ROR2: variants seen among roughly 807,000 people sequenced by gnomAD.
The protein encoded by ROR2 is ROR family WNT receptor 2, also known as tyrosine-protein kinase transmembrane receptor ROR2.
A neutral mutation model predicts 74.9 loss-of-function variants in ROR2; 33 were observed. That is an observed-to-expected ratio of 0.44 (90% CI 0.33 to 0.59). The LOEUF (loss-of-function observed/expected upper bound fraction) is 0.59. Ranked by LOEUF, ROR2 falls within the 20% of genes least tolerant of loss-of-function variation. The pLI is 0.02. For missense variants in ROR2, 1,216 were observed against 1,313.8 expected (o/e 0.93, Z 1.15); for synonymous variants, 586 against 558.7 (o/e 1.05, Z -0.69).
At chr9:91,728,530 A>C (rs1837122351) in intron 7 of ROR2, among the ~76,000 whole-genome samples, 1 of 152,182 alleles carries the variant, frequency 6.6e-6, no homozygotes, top group African/African-American at 2.4e-5. Flanking sequence ...CCCTGGGTTC[A>C]AGTGATTCTC....
chr9:91,898,064 C>T (rs1017661728), intron 1 of ROR2, among the ~76,000 whole-genome samples: 1 of 152,120 alleles, frequency 6.6e-6, no homozygotes, highest in African/African-American at 2.4e-5. Context: ...GGGCCACACC[C>T]CTGGGCCTCT....
At chr9:91,864,381 C>T (rs2119312113) in intron 1 of ROR2, among the ~76,000 whole-genome samples, 2 of 152,300 alleles carry the variant, frequency 1.3e-5, no homozygotes, top group South Asian at 4.1e-4. Flanking sequence ...GTCCACCTGT[C>T]CCTCAGGAGG....
At chr9:91,758,225 G>T (rs76636389) in intron 2 of ROR2, among the ~76,000 whole-genome samples, 1 of 152,130 alleles carries the variant, frequency 6.6e-6, no homozygotes, top group African/African-American at 2.4e-5. Context: ...CAAAAGCACC[G>T]TAAGTATTGA....
At chr9:91,942,520 G>C (rs531971605) in intron 1 of ROR2, among the ~76,000 whole-genome samples, 1 of 151,970 alleles carries the variant, frequency 6.6e-6, no homozygotes, top group East Asian at 1.9e-4. Flanking sequence ...TTCCCAACTC[G>C]CCTCCCATTT....
chr9:91,884,323 A>G (rs560811105), intron 1 of ROR2, among the ~76,000 whole-genome samples: 12 of 151,810 alleles, frequency 7.9e-5, no homozygotes, highest in African/African-American at 1.2e-4. Context: ...TTAGATCTCA[A>G]CCAGCAGGGA....
intron 1 of ROR2, among the ~76,000 whole-genome samples, chr9:91,914,775 G>A (rs1831086471): frequency 7.8e-6 from 1 of 129,026 alleles, no homozygotes; most frequent in African/African-American, 2.9e-5. Context: ...GTCATGACTA[G>A]GGGTCACCTG....
chr9:91,779,175 A>G (rs1173410903), intron 1 of ROR2, among the ~76,000 whole-genome samples: 1 of 152,146 alleles, frequency 6.6e-6, no homozygotes, highest in Non-Finnish European at 1.5e-5. Flanking sequence ...GGTGTTAACA[A>G]TAGGGGAAAC....
chr9:91,751,214 A>T (rs1748098775), intron 4 of ROR2, among the ~76,000 whole-genome samples: 1 of 152,216 alleles, frequency 6.6e-6, no homozygotes, highest in Non-Finnish European at 1.5e-5. Flanking sequence ...CTCGGCAGTC[A>T]ATGCATGATT....
intron 1 of ROR2, among the ~76,000 whole-genome samples, chr9:91,937,159 T>C (rs1409800742): frequency 6.6e-6 from 1 of 151,976 alleles, no homozygotes; most frequent in African/African-American, 2.4e-5. Context: ...AACTCGGGAT[T>C]ATAGAATTAA....
At chr9:91,893,922 C>G (rs1333523801) in intron 1 of ROR2, among the ~76,000 whole-genome samples, 2 of 152,204 alleles carry the variant, frequency 1.3e-5, no homozygotes, top group Admixed American at 1.3e-4. Flanking sequence ...ACCACCATCA[C>G]CATCTATCTC....
At chr9:91,926,822 T>C (rs181302250) in intron 1 of ROR2, among the ~76,000 whole-genome samples, 1 of 151,852 alleles carries the variant, frequency 6.6e-6, no homozygotes, top group Non-Finnish European at 1.5e-5. Context: ...AGAATTGGGG[T>C]TGCCAGGAAC....
At chr9:91,913,085 C>T (rs1395186511) in intron 1 of ROR2, among the ~76,000 whole-genome samples, 3 of 152,098 alleles carry the variant, frequency 2.0e-5, no homozygotes, top group Non-Finnish European at 4.4e-5. Context: ...GTCGAGATCA[C>T]GCCACTGCAC....
In ROR2 at chr9:91,733,138, G is replaced by C; in HGVS notation, c.921C>G (p.Ala307=). ...AANCMRIGIP[A]ERLGRYHQCY... ...GGCACTCACAGCGGCCCAGCCTCTCGGCTGGGATGCCAATGCGCATGCAGT... is the reference window on the plus strand; with the variant it reads ...GGCACTCACAGCGGCCCAGCCTCTCCGCTGGGATGCCAATGCGCATGCAGT... The change falls in exon 6 of 9, where the codon GCC becomes GCG. Residue 307 remains alanine (A), a synonymous_variant. Transcript: ENST00000375708. This position sits in a 1 kb window ranked among gnomAD's most constrained non-coding sequence, Gnocchi z 5.7. The C allele has an allele frequency of 6.3e-7, 1 of 1,596,544 alleles. No homozygotes were observed. The highest frequency in any genetic ancestry group is 8.5e-7 in the Non-Finnish European group (1 of 1,173,694).
rs1331743009 is a variant in ROR2 at position 91,725,072 on chromosome 9, C to A, written c.1422G>T (p.Arg474Ser). Residue 474 changes from arginine (R) to serine (S), a missense_variant, in exon 9 of 9, where the codon AGG becomes AGT. Coordinates refer to ENST00000375708, the MANE Select transcript of ROR2 (RefSeq NM_004560.4). ...GGTCCTCTCCCAGCTCCTCCATGAA[C>A]CTCACCGCAGACAGGCTGATCTCTT... is the stretch of plus-strand genomic sequence containing the variant. ...KLKEISLSAV[R>S]FMEELGEDRF... The A allele has an allele frequency of 6.2e-7, 1 of 1,614,078 alleles. No individual in the cohort carries two copies.
intron 1 of ROR2, among the ~76,000 whole-genome samples, chr9:91,909,842 GTTTTGTTTTTTTTT>G (rs1830915801): frequency 3.6e-5 from 2 of 55,978 alleles, no homozygotes; most frequent in Non-Finnish European, 6.3e-5. Flanking sequence ...TTTTAGGTTT[GTTTTGTTTTTTTTT>G]TTTTTTTTTT....
chr9:91,723,954 G>A lies in ROR2; in HGVS notation c.2540C>T (p.Ala847Val), dbSNP rs747693128. 4.3e-6 allele frequency: 7 copies of A among 1,613,234 alleles called. No homozygotes were observed. Among genetic ancestry groups the A allele is most frequent in the Non-Finnish European group, 5.9e-6 (7 of 1,180,036 alleles). The change falls in exon 9 of 9, where the codon GCC becomes GTC. Residue 847 changes from alanine (A) to valine (V), a missense_variant. Coordinates refer to ENST00000375708, the MANE Select transcript of ROR2 (RefSeq NM_004560.4). The part of the protein sequence containing the change: ...FYPVQIPMQM[A>V]PQQVPPQMVP... ...CATCTGAGGAGGCACCTGCTGCGGG[G>A]CCATCTGCATTGGGATCTGCACCGG...
intron 1 of ROR2, among the ~76,000 whole-genome samples, chr9:91,842,922 A>C (rs1828826819): frequency 3.3e-5 from 5 of 152,236 alleles, no homozygotes; most frequent in Admixed American, 3.3e-4. Flanking sequence ...CAGAGGTGAA[A>C]ACACAGATGC....
At chr9:91,731,220 C>A in intron 6 of ROR2, 65 bp from the exon 7 acceptor site, 2 of 1,606,314 alleles carry the variant, frequency 1.2e-6, no homozygotes, top group South Asian at 2.2e-5. Context: ...CCTACACATG[C>A]CCAAACTAGA....
chr9:91,748,447 C>T (rs2118800090), intron 4 of ROR2, among the ~76,000 whole-genome samples: 1 of 152,096 alleles, frequency 6.6e-6, no homozygotes, highest in East Asian at 1.9e-4. Context: ...TTATTGAATA[C>T]ATAAAGGTGG....
Sources: gnomAD v4.1 joint callset for allele counts (sites outside exome capture counted in the v4.1 genomes callset) on GRCh38, gnomAD v4.1.1 for gene constraint, Gnocchi (gnomAD v3.1) non-coding constraint, MANE v1.5 for transcripts, NCBI Gene and HGNC (gene_info 2026-07-23, HGNC 2026-07-21) for gene names.